LPA: variants seen among roughly 807,000 people sequenced by gnomAD.
LPA encodes the protein lipoprotein(a), also known as apolipoprotein(a).
A neutral mutation model predicts 197.9 loss-of-function variants in LPA; 199 were observed. The observed-to-expected ratio is 1.01, with a 90% CI of 0.90 to 1.13. LPA has a LOEUF of 1.13. Among genes scored for constraint, LPA ranks in the 50% most tolerant of loss-of-function variants. The pLI is 0.00. For missense variants in LPA, 1,853 were observed against 1,785.8 expected (o/e 1.04, Z -0.68); for synonymous variants, 715 against 639.5 (o/e 1.12, Z -1.78).
intron 22 of LPA, among the ~76,000 whole-genome samples, chr6:160,593,309 A>G (rs1298591704): frequency 6.6e-6 from 1 of 152,076 alleles, no homozygotes; most frequent in Non-Finnish European, 1.5e-5. Flanking sequence ...ACCTATGAAA[A>G]CACTTTTCCT....
At chr6:160,582,143 G>A (rs1417922886) in intron 26 of LPA, among the ~76,000 whole-genome samples, 1 of 152,004 alleles carries the variant, frequency 6.6e-6, no homozygotes, top group African/African-American at 2.4e-5. Flanking sequence ...TGTGCATAGC[G>A]TTTAAGCTTG....
intron 1 of LPA, among the ~76,000 whole-genome samples, chr6:160,659,241 C>T (rs928730334): frequency 6.6e-6 from 1 of 152,074 alleles, no homozygotes; most frequent in African/African-American, 2.4e-5. Flanking sequence ...CCTCAGGGTG[C>T]TTGCAGGGAT....
chr6:160,594,221 C>T lies in LPA; in HGVS notation c.3470-104G>A, dbSNP rs993910254. The T allele has an allele frequency of 3.8e-5, 54 of 1,417,688 alleles. 1 individual carries two copies. Among genetic ancestry groups the T allele is most frequent in the Middle Eastern group, 1.8e-4 (1 of 5,698 alleles). 87.8% of individuals were successfully genotyped at this position (1,417,688 alleles called of 1,614,324 possible). ...GGATCATTGTCTCTGAGAAAGACTA[C>T]CATGCTCTGTTCTGTACTAGCAGGC... On this transcript the variant is annotated intron_variant, in intron 21 of 38. Coordinates refer to ENST00000316300, the MANE Select transcript of LPA (RefSeq NM_005577.4).
chr6:160,595,001 A>G (rs1248483219), intron 21 of LPA, among the ~76,000 whole-genome samples: 1 of 152,210 alleles, frequency 6.6e-6, no homozygotes, highest in African/African-American at 2.4e-5. Context: ...TTGAAGAAAT[A>G]CCATGAAAGG....
At chr6:160,535,339 T>C (rs1777873764) in intron 37 of LPA, among the ~76,000 whole-genome samples, 1 of 146,106 alleles carries the variant, frequency 6.8e-6, no homozygotes, top group African/African-American at 2.6e-5. Flanking sequence ...ATTGTGGTGA[T>C]GGTGATGTTG....
intron 30 of LPA, among the ~76,000 whole-genome samples, chr6:160,550,845 A>T (rs1778156295): frequency 6.6e-6 from 1 of 152,202 alleles, no homozygotes. Flanking sequence ...AGCATCTTCC[A>T]TACTATTTGA....
chr6:160,648,390 T>C (rs1779942417), intron 2 of LPA, among the ~76,000 whole-genome samples: 1 of 152,186 alleles, frequency 6.6e-6, no homozygotes, highest in Non-Finnish European at 1.5e-5. Context: ...GATTTTTTAA[T>C]CTTCTTTATA....
chr6:160,559,377 G>T (rs1464021242), intron 28 of LPA, among the ~76,000 whole-genome samples: 1 of 152,188 alleles, frequency 6.6e-6, no homozygotes, highest in Non-Finnish European at 1.5e-5. Flanking sequence ...GTATTCAAGT[G>T]TACCAGTAGG....
chr6:160,590,218 A>C (rs1583601686), intron 23 of LPA, among the ~76,000 whole-genome samples: 1 of 152,178 alleles, frequency 6.6e-6, no homozygotes, highest in African/African-American at 2.4e-5. Flanking sequence ...TGTCTCTCAG[A>C]GAGGGGTACT....
chr6:160,555,883 A>C (rs965453367), intron 30 of LPA, 142 bp downstream of exon 30: 9 of 905,266 alleles, frequency 9.9e-6, no homozygotes, highest in African/African-American at 9.9e-5. Flanking sequence ...CTCTTTGATC[A>C]AAAGCAAAGT....
intron 2 of LPA, among the ~76,000 whole-genome samples, chr6:160,646,940 A>C (rs181211100): frequency 8.5e-5 from 13 of 152,202 alleles, no homozygotes; most frequent in Non-Finnish European, 1.8e-4. Flanking sequence ...AAACCTAGTG[A>C]AAAGGCTCTA....
chr6:160,576,347 T>TATATATATATATATATAC, intron 28 of LPA, among the ~76,000 whole-genome samples: 1 of 16,998 alleles, frequency 5.9e-5, no homozygotes, highest in South Asian at 2.3e-3. Context: ...TGTGTATATA[T>TATATATATATATATATAC]ATATATATAT....
At chr6:160,546,956 G>T (rs80341857) in intron 32 of LPA, among the ~76,000 whole-genome samples, 186 of 152,160 alleles carry the variant, frequency 1.2e-3, no homozygotes, top group African/African-American at 4.2e-3. Context: ...TCTGACTTAA[G>T]CCTCATAGAG....
intron 18 of LPA, among the ~76,000 whole-genome samples, chr6:160,603,233 G>GGTGTGTGTGTGTGT (rs72482597): frequency 0.042 from 6,075 of 144,740 alleles, 179 homozygotes; most frequent in Non-Finnish European, 0.064. Flanking sequence ...TATTTGTGGA[G>GGTGTGTGTGTGTGT]GTGTGTGTGT....
At chr6:160,611,512 G>A (rs769502232) in intron 16 of LPA, 50 bp downstream of exon 16, 6 of 1,603,122 alleles carry the variant, frequency 3.7e-6, no homozygotes, top group South Asian at 1.1e-5. Flanking sequence ...TCTTGTCACA[G>A]AAACTTCAGT....
intron 28 of LPA, among the ~76,000 whole-genome samples, chr6:160,575,801 A>G (rs1778644172): frequency 6.6e-6 from 1 of 152,050 alleles, no homozygotes; most frequent in African/African-American, 2.4e-5. Flanking sequence ...TCCTACTTTC[A>G]TTGTGGAATC....
chr6:160,534,592 A>G (rs2114992762), intron 37 of LPA, among the ~76,000 whole-genome samples: 1 of 152,310 alleles, frequency 6.6e-6, no homozygotes, highest in Non-Finnish European at 1.5e-5. Flanking sequence ...CATGAAGGGG[A>G]GAGGGGGAGA....
chr6:160,653,981 A>AATATATAATATATATT (rs1780060306), intron 1 of LPA, among the ~76,000 whole-genome samples: 3 of 13,990 alleles, frequency 2.1e-4, no homozygotes, highest in East Asian at 4.5e-3. Context: ...TATAATATAT[A>AATATATAATATATATT]ATATATAATA....
chr6:160,611,286 A>C (rs1194670814), intron 16 of LPA, among the ~76,000 whole-genome samples: 2 of 152,048 alleles, frequency 1.3e-5, no homozygotes, highest in African/African-American at 4.8e-5. Context: ...AGGGTAATCT[A>C]AGTGTTTGGT....
Sources: gnomAD v4.1 joint callset for allele counts (sites outside exome capture counted in the v4.1 genomes callset) on GRCh38, gnomAD v4.1.1 for gene constraint, MANE v1.5 for transcripts, NCBI Gene and HGNC (gene_info 2026-07-23, HGNC 2026-07-21) for gene names.